Variants in SETBP1 observed in about 807,000 individuals in gnomAD.
The protein encoded by SETBP1 is SET-binding protein.
SETBP1 carries 9 observed loss-of-function variants against 101.0 expected under a neutral mutation model. That is an observed-to-expected ratio of 0.09 (90% confidence interval 0.05 to 0.16). The LOEUF (loss-of-function observed/expected upper bound fraction) is 0.16, where lower values mean the gene tolerates loss of function less well. SETBP1 is among the 10% of genes least tolerant of loss of function. SETBP1 has a pLI of 1.00. For missense variants in SETBP1, 1,858 were observed against 2,033.8 expected (o/e 0.91, Z 1.66); for synonymous variants, 818 against 788.5 (o/e 1.04, Z -0.63).
chr18:44,817,822 G>GAGGT (rs2072016176), intron 2 of SETBP1, among the ~76,000 whole-genome samples: 1 of 152,302 alleles, frequency 6.6e-6, no homozygotes, highest in Admixed American at 6.5e-5. Context: ...GTTGAACGAT[G>GAGGT]AGGTGCACCA....
chr18:45,057,448 G>A (rs1198973441), intron 5 of SETBP1, among the ~76,000 whole-genome samples: 1 of 152,110 alleles, frequency 6.6e-6, no homozygotes, highest in Admixed American at 6.5e-5. Context: ...TGTATTTGCT[G>A]ATCACATAGT....
chr18:44,906,398 T>C (rs1403144217), intron 3 of SETBP1, among the ~76,000 whole-genome samples: 2 of 152,180 alleles, frequency 1.3e-5, no homozygotes, highest in Non-Finnish European at 2.9e-5. Flanking sequence ...CCTTTTGGTG[T>C]AGCTAGTACA....
chr18:44,950,526 G>A lies in SETBP1; in HGVS notation c.1186G>A (p.Asp396Asn). 1.9e-6 allele frequency: 3 copies of A among 1,614,034 alleles called. No individual in the cohort carries two copies. Among genetic ancestry groups the A allele is most frequent in the Non-Finnish European group, 2.5e-6 (3 of 1,180,026 alleles). Residue 396 changes from aspartate to asparagine, a missense_variant, in exon 4 of 6, where the codon GAC (aspartate) becomes AAC (asparagine). Asp to Asn is a conservative substitution (Grantham distance 23). Transcript: ENST00000649279. The stretch of plus-strand genomic sequence containing the variant: ...GAGTTCTGCCAGTAATCCTGAAAAT[G>A]ACTCAAGTCATGTCCGGATTACTAT... ...NVSSASNPENDSSHVRITIPI... is the reference protein window; with the variant it reads ...NVSSASNPENNSSHVRITIPI...
At chr18:45,036,555 T>C (rs1254770896) in intron 4 of SETBP1, among the ~76,000 whole-genome samples, 3 of 152,228 alleles carry the variant, frequency 2.0e-5, no homozygotes, top group African/African-American at 7.2e-5. Context: ...TTCTAGTTTC[T>C]TGATGGTTGT....
intron 4 of SETBP1, among the ~76,000 whole-genome samples, chr18:44,979,854 G>T (rs78644920): frequency 1.8e-3 from 269 of 152,248 alleles, no homozygotes; most frequent in African/African-American, 6.3e-3. Flanking sequence ...TGACTGTCTT[G>T]GTTCTTCATT....
intron 2 of SETBP1, among the ~76,000 whole-genome samples, chr18:44,711,626 A>C (rs542447408): frequency 5.9e-5 from 9 of 151,286 alleles, no homozygotes; most frequent in African/African-American, 2.2e-4. Flanking sequence ...CCTGGGCTCA[A>C]GTGATCCTTT....
At chr18:45,015,729 G>A (rs1237459709) in intron 4 of SETBP1, among the ~76,000 whole-genome samples, 1 of 152,218 alleles carries the variant, frequency 6.6e-6, no homozygotes, top group East Asian at 1.9e-4. Context: ...AGGCAATGAG[G>A]GAGGGAGTCA....
chr18:45,026,389 A>G (rs930697376), intron 4 of SETBP1, among the ~76,000 whole-genome samples: 2 of 152,164 alleles, frequency 1.3e-5, no homozygotes, highest in African/African-American at 4.8e-5. Context: ...CACCCTCTGT[A>G]TGTGACACTA....
intron 2 of SETBP1, among the ~76,000 whole-genome samples, chr18:44,734,636 G>A (rs2069923284): frequency 6.6e-6 from 1 of 151,886 alleles, no homozygotes. Flanking sequence ...TCCCTATCTA[G>A]TCAATACTTA....
intron 3 of SETBP1, among the ~76,000 whole-genome samples, chr18:44,930,668 G>C (rs894090384): frequency 1.3e-5 from 2 of 152,010 alleles, no homozygotes; most frequent in African/African-American, 2.4e-5. Flanking sequence ...GTCTTGGGAG[G>C]GTGTATGTGT....
intron 2 of SETBP1, among the ~76,000 whole-genome samples, chr18:44,810,383 G>T (rs970725288): frequency 6.6e-6 from 1 of 152,170 alleles, no homozygotes; most frequent in African/African-American, 2.4e-5. Context: ...GGAACACAAT[G>T]AAAAGTGCTC....
chr18:44,805,424 GTGTGTGT>G (rs1237534353), intron 2 of SETBP1, among the ~76,000 whole-genome samples: 1 of 151,832 alleles, frequency 6.6e-6, no homozygotes, highest in African/African-American at 2.4e-5. Context: ...GTGTGTGTGT[GTGTGTGT>G]GTGGGTGTGT....
chr18:44,685,361 C>T (rs2068819738), intron 1 of SETBP1, among the ~76,000 whole-genome samples: 1 of 152,204 alleles, frequency 6.6e-6, no homozygotes, highest in Admixed American at 6.5e-5. Flanking sequence ...GGCTTCCGCC[C>T]CCTTGATTCT....
intron 3 of SETBP1, among the ~76,000 whole-genome samples, chr18:44,941,065 T>C (rs180838316): frequency 1.3e-5 from 2 of 149,352 alleles, no homozygotes; most frequent in East Asian, 3.9e-4. Context: ...TTCTAATTAA[T>C]GAGAAGTCAG....
chr18:44,884,467 G>A (rs1214640095), intron 3 of SETBP1, among the ~76,000 whole-genome samples: 2 of 152,148 alleles, frequency 1.3e-5, no homozygotes, highest in Admixed American at 1.3e-4. Flanking sequence ...TTTTGCCTGG[G>A]TGAGGAAAGT....
At chr18:44,694,089 G>T (rs1005332164) in intron 1 of SETBP1, among the ~76,000 whole-genome samples, 1 of 152,200 alleles carries the variant, frequency 6.6e-6, no homozygotes, top group African/African-American at 2.4e-5. Context: ...CAACAGAAAA[G>T]ACTTTTCTCA....
At chr18:45,028,279 T>G (rs376379157) in intron 4 of SETBP1, among the ~76,000 whole-genome samples, 1 of 151,580 alleles carries the variant, frequency 6.6e-6, no homozygotes, top group Non-Finnish European at 1.5e-5. Flanking sequence ...TTTGTTCTTG[T>G]GATAGTTTAC....
intron 4 of SETBP1, among the ~76,000 whole-genome samples, chr18:45,033,874 T>G (rs866782069): frequency 6.6e-6 from 1 of 152,172 alleles, no homozygotes; most frequent in South Asian, 2.1e-4. Context: ...TTTAGACATA[T>G]CACATGACCT....
At chr18:44,807,554 C>G (rs2071774471) in intron 2 of SETBP1, among the ~76,000 whole-genome samples, 4 of 152,132 alleles carry the variant, frequency 2.6e-5, no homozygotes, top group Admixed American at 2.6e-4. Context: ...TGAGAGCCAA[C>G]AGAAACTCCC....
Sources: gnomAD v4.1 joint callset for allele counts (sites outside exome capture counted in the v4.1 genomes callset) on GRCh38, gnomAD v4.1.1 for gene constraint, MANE v1.5 for transcripts, NCBI Gene and HGNC (gene_info 2026-07-23, HGNC 2026-07-21) for gene names.